The following COLGALT2 variants were observed in gnomAD, a reference collection of about 807,000 sequenced individuals.
COLGALT2 encodes the protein procollagen galactosyltransferase 2.
COLGALT2 carries 49 observed loss-of-function variants against 73.4 expected under a neutral mutation model. That is an observed-to-expected ratio of 0.67 (90% CI 0.53 to 0.85). The LOEUF is 0.85. Ranked by LOEUF, COLGALT2 falls within the 40% of genes least tolerant of loss-of-function variation. The probability of loss-of-function intolerance (pLI) is 0.00; values close to 1 mark genes in which losing one functional copy is unlikely to be tolerated. For synonymous variants in COLGALT2, 295 were observed against 307.6 expected (o/e 0.96, Z 0.43); for missense variants, 722 against 790.2 (o/e 0.91, Z 1.03).
intron 5 of COLGALT2, 103 bp downstream of exon 5, chr1:183,969,166 C>T: frequency 1.0e-6 from 1 of 972,724 alleles, no homozygotes; most frequent in Non-Finnish European, 1.4e-6. Flanking sequence ...CTCTCACTAC[C>T]AGACATATGA....
Position 184,037,556 on chromosome 1 carries a change from G to A in COLGALT2, c.-199C>T. ...CTCCCGCCGCCGCTGCACCGCCCAG[G>A]CCCCAGTGCGGGTGCGCAGCGTACC... On this transcript the variant is annotated 5_prime_UTR_variant, in exon 1 of 12. Transcript: ENST00000361927. 9.0e-7 allele frequency: 1 copy of A among 1,117,032 alleles called. No individual in the cohort carries two copies. The highest frequency in any genetic ancestry group is 1.1e-6 in the Non-Finnish European group (1 of 915,818). The allele number at this position is 1,117,032 out of a possible 1,614,324, so 69.2% of individuals were successfully genotyped here.
In COLGALT2 at chr1:183,961,834, A is replaced by G. The variant is rs575488143; in HGVS notation, c.952+2067T>C. Among the ~76,000 whole-genome samples the G allele has an allele frequency of 2.6e-5, 4 of 152,316 alleles. No individual in the cohort carries two copies. In the East Asian group the frequency reaches 7.7e-4, roughly 29 times the overall value. On this transcript the variant is annotated intron_variant, in intron 6 of 11. Transcript: ENST00000361927. Reference sequence around the variant, plus strand: ...ATGCCACCCATATCCTTTAGGGCCTAGAACATAGGGAAAGTGGCAGAAAAA... The same window carrying G: ...ATGCCACCCATATCCTTTAGGGCCTGGAACATAGGGAAAGTGGCAGAAAAA...
In COLGALT2 at chr1:183,938,888, G is replaced by A. The variant is rs1670035480; in HGVS notation, c.1754C>T (p.Thr585Ile). Reference sequence around the variant, plus strand: ...CCAGGCATGTGTCCTATCCCAGTCGGTGGCCACTGTCTCATTGTCCCAGAT... The same window carrying A: ...CCAGGCATGTGTCCTATCCCAGTCGATGGCCACTGTCTCATTGTCCCAGAT... ...STIWDNETVA[T>I]DWDRTHAWKS... is the part of the protein sequence containing the mutation. Residue 585 changes from threonine to isoleucine, a missense_variant, in exon 12 of 12, where the codon ACC becomes ATC. Physicochemically the swap from Thr to Ile is moderately conservative, Grantham distance 89. Coordinates refer to ENST00000361927, the MANE Select transcript of COLGALT2 (RefSeq NM_015101.4). 1.2e-6 allele frequency: 2 copies of A among 1,614,140 alleles called. No individual in the cohort carries two copies. The highest frequency in any genetic ancestry group is 1.7e-6 in the Non-Finnish European group (2 of 1,180,036).
intron 4 of COLGALT2, 121 bp from the exon 5 acceptor site, chr1:183,969,594 C>G: frequency 1.4e-6 from 1 of 724,792 alleles, no homozygotes; most frequent in Non-Finnish European, 2.2e-6. Flanking sequence ...CCAAACAAAG[C>G]CACCTTCACT....
chr1:183,964,897 C>T (rs1254643054), intron 5 of COLGALT2, among the ~76,000 whole-genome samples: 1 of 152,116 alleles, frequency 6.6e-6, no homozygotes, highest in Non-Finnish European at 1.5e-5. Context: ...TCCATGTATC[C>T]AAGCCTGTGA....
At chr1:183,980,070 T>C (rs1660877515) in intron 1 of COLGALT2, among the ~76,000 whole-genome samples, 1 of 151,972 alleles carries the variant, frequency 6.6e-6, no homozygotes, top group South Asian at 2.1e-4. Flanking sequence ...TTCCAAAAAT[T>C]AATAATGAAA....
chr1:183,937,829 T>C lies in COLGALT2; in HGVS notation c.*932A>G. ...GTTGCTGGCCTGAAAATGTGCTCTG[T>C]CTCTTAGCAGTGACTCACAGAACTC... is the stretch of plus-strand genomic sequence containing the variant. On this transcript the variant is annotated 3_prime_UTR_variant, in exon 12 of 12. Transcript: ENST00000361927. The C allele has an allele frequency of 1.0e-6, 1 of 985,456 alleles. No individual in the cohort carries two copies. Among genetic ancestry groups the C allele is most frequent in the South Asian group, 4.7e-5 (1 of 21,290 alleles). 61.0% of individuals were successfully genotyped at this position (985,456 alleles called of 1,614,324 possible).
At chr1:184,003,948 T>C (rs1671998351) in intron 1 of COLGALT2, among the ~76,000 whole-genome samples, 1 of 152,204 alleles carries the variant, frequency 6.6e-6, no homozygotes, top group Non-Finnish European at 1.5e-5. Context: ...TTTTTAGTTT[T>C]TAAAATCAGA....
chr1:184,029,769 G>A (rs145538785), intron 1 of COLGALT2, among the ~76,000 whole-genome samples: 1 of 152,346 alleles, frequency 6.6e-6, no homozygotes, highest in East Asian at 1.9e-4. Context: ...CAGGACGGGT[G>A]TTATCAGAGA....
chr1:184,018,698 T>G (rs1349689639), intron 1 of COLGALT2, among the ~76,000 whole-genome samples: 2 of 152,102 alleles, frequency 1.3e-5, no homozygotes, highest in African/African-American at 4.8e-5. Context: ...AATATCTAAG[T>G]GAGAAAGCAT....
rs1201743462 is a variant in COLGALT2 at position 184,013,052 on chromosome 1, C to T, written c.263+24043G>A. Among the ~76,000 whole-genome samples, 5 of 152,162 alleles carry T rather than the reference C, an allele frequency of 3.3e-5. No homozygotes were observed. The East Asian group carries it at 5.8e-4, about 18-fold the overall frequency. ...AAGGGAGGCCAGGTGCGGTGGCTCA[C>T]GCCTGTAATCTCAGCACTTTGGGAG... is the stretch of plus-strand genomic sequence containing the variant. On this transcript the variant is annotated intron_variant, in intron 1 of 11. Transcript: ENST00000361927.
rs1265191855 is a variant in COLGALT2 at position 183,999,800 on chromosome 1, C to T, written c.264-21280G>A. On this transcript the variant is annotated intron_variant, in intron 1 of 11. Coordinates refer to ENST00000361927, the MANE Select transcript of COLGALT2 (RefSeq NM_015101.4). The stretch of plus-strand genomic sequence containing the variant: ...GTTACATCATTATTTATGTATTCTC[C>T]TTTTCATCCTTTATACTGTTTGTAT... Among the ~76,000 whole-genome samples, 4 of 151,910 alleles carry T rather than the reference C, an allele frequency of 2.6e-5. No individual in the cohort carries two copies. The South Asian group carries it at 6.2e-4, about 24-fold the overall frequency.
chr1:183,967,969 A>G (rs1243224968), intron 5 of COLGALT2, among the ~76,000 whole-genome samples: 1 of 152,222 alleles, frequency 6.6e-6, no homozygotes, highest in Non-Finnish European at 1.5e-5. Flanking sequence ...AGCCTGACCC[A>G]TTTCTACCAA....
chr1:183,972,710 T>G (rs1671075426), intron 4 of COLGALT2, among the ~76,000 whole-genome samples: 2 of 151,650 alleles, frequency 1.3e-5, no homozygotes, highest in Non-Finnish European at 2.9e-5. Flanking sequence ...TTTTTTTTTT[T>G]CTTTTTTGAG....
At chr1:184,028,183 G>A (rs956696021) in intron 1 of COLGALT2, among the ~76,000 whole-genome samples, 5 of 152,272 alleles carry the variant, frequency 3.3e-5, no homozygotes, top group Admixed American at 1.3e-4. Flanking sequence ...ACTCCGTGTC[G>A]GGAATGCTAT....
rs184001684 is a variant in COLGALT2, at chr1:183,992,044, G to T, written c.264-13524C>A. ...CTACTCACTGCTCTTCTGCAGAGAGGGGAGCAGTGAGAGCAAACCTCAGCT... is the reference window on the plus strand; with the variant it reads ...CTACTCACTGCTCTTCTGCAGAGAGTGGAGCAGTGAGAGCAAACCTCAGCT... On this transcript the variant is annotated intron_variant, in intron 1 of 11. Coordinates refer to ENST00000361927, the MANE Select transcript of COLGALT2 (RefSeq NM_015101.4). 2.1e-4 allele frequency among the ~76,000 whole-genome samples: 32 copies of T among 152,176 alleles called. 1 individual carries two copies. The highest frequency in any genetic ancestry group is 2.0e-3 in the Admixed American group (31 of 15,282).
rs187415437 is a variant in COLGALT2 at position 183,938,804 on chromosome 1, G to A, written c.1838C>T (p.Pro613Leu). The A allele has an allele frequency of 3.6e-5, 58 of 1,614,066 alleles. No individual in the cohort carries two copies. The highest frequency in any genetic ancestry group is 2.0e-4 in the Admixed American group (12 of 60,008). The change falls in exon 12 of 12, where the codon CCG (proline) becomes CTG (leucine). Residue 613 changes from proline (P) to leucine (L), a missense_variant. Physicochemically the swap from Pro to Leu is moderately conservative, Grantham distance 98. Coordinates refer to ENST00000361927, the MANE Select transcript of COLGALT2 (RefSeq NM_015101.4). Reference sequence around the variant, plus strand: ...AGGCACAGTGTCCAGGGAGGTTGGCGGTGGCAGGGCCTCTGTGTTCTTGGC... The same window carrying A: ...AGGCACAGTGTCCAGGGAGGTTGGCAGTGGCAGGGCCTCTGTGTTCTTGGC... ...SNAKNTEALP[P>L]PTSLDTVPSR...
At position 183,936,938 on chromosome 1, in the gene COLGALT2, G is replaced by A. The variant is rs1002862978; in HGVS notation, c.*1823C>T. 40 of 1,231,616 alleles carry A rather than the reference G, an allele frequency of 3.2e-5. No individual in the cohort carries two copies. Among genetic ancestry groups the A allele is most frequent in the Non-Finnish European group, 3.7e-5 (37 of 988,004 alleles). 76.3% of individuals were successfully genotyped at this position (1,231,616 alleles called of 1,614,324 possible). A position where few individuals can be genotyped will look rare whatever the true frequency, so the allele number is the denominator to read the frequency against. On this transcript the variant is annotated 3_prime_UTR_variant, in exon 12 of 12. Transcript: ENST00000361927. The stretch of plus-strand genomic sequence containing the variant: ...GCCTCTTGTCCTAAAGTGGGGACCC[G>A]CCCCTCACCTGGGGAGATGAGGCTG...
Position 183,978,554 on chromosome 1 carries a change from T to C in COLGALT2, c.264-34A>G, listed in dbSNP as rs752528977. The stretch of plus-strand genomic sequence containing the variant: ...GAGAAAGCACAATATAGTTTAACTA[T>C]GTCATCCAATGAAAGAGAGGGAAAT... On this transcript the variant is annotated intron_variant, in intron 1 of 11. Transcript: ENST00000361927. The C allele has an allele frequency of 7.1e-5, 92 of 1,295,784 alleles. No individual in the cohort carries two copies. In the Admixed American group the frequency reaches 1.4e-3, roughly 20 times the overall value. The allele number at this position is 1,295,784 out of a possible 1,614,324, so 80.3% of individuals were successfully genotyped here. A position where few individuals can be genotyped will look rare whatever the true frequency, so the allele number is the denominator to read the frequency against.
Sources: allele counts gnomAD v4.1 joint callset (sites outside exome capture counted in the v4.1 genomes callset), GRCh38; gene constraint gnomAD v4.1.1; transcripts MANE v1.5; gene names NCBI Gene and HGNC (gene_info 2026-07-23, HGNC 2026-07-21).